TTC7B: variants seen among roughly 807,000 people sequenced by gnomAD.
TTC7B encodes the protein tetratricopeptide repeat protein 7B.
Under a neutral mutation model 106.8 loss-of-function variants are expected in TTC7B, and 28 were observed. The ratio of observed to expected loss-of-function variants is 0.26; its 90% CI spans 0.19 to 0.36. The LOEUF (loss-of-function observed/expected upper bound fraction) is 0.36. TTC7B is among the 10% of genes least tolerant of loss of function. The pLI is 1.00. For synonymous variants in TTC7B, 405 were observed against 430.6 expected, an observed-to-expected ratio of 0.94 and a Z score of 0.74; for missense variants, 862 against 1,076.4, an observed-to-expected ratio of 0.80 and a Z score of 2.79.
chr14:90,793,073 G>A (rs1255261475), intron 1 of TTC7B, among the ~76,000 whole-genome samples: 2 of 152,094 alleles, frequency 1.3e-5, no homozygotes, highest in Non-Finnish European at 2.9e-5. Context: ...GTGTTCTCAC[G>A]AGACCTGATG....
In TTC7B at chr14:90,541,334, G is replaced by T; in HGVS notation, c.*34C>A. The T allele has an allele frequency of 2.6e-6, 4 of 1,565,056 alleles. No individual in the cohort carries two copies. The highest frequency in any genetic ancestry group is 3.5e-6 in the Non-Finnish European group (4 of 1,149,914). ...CCTGGTGCCCGGCAGGGCCTCTGAG[G>T]CCTGAGCGGCAGGTGAGGCTGGCAG... On this transcript the variant is annotated 3_prime_UTR_variant, in exon 20 of 20. Coordinates refer to ENST00000328459, the MANE Select transcript of TTC7B (RefSeq NM_001010854.2).
intron 19 of TTC7B, among the ~76,000 whole-genome samples, chr14:90,552,641 G>A (rs1019002736): frequency 2.6e-5 from 4 of 152,218 alleles, no homozygotes; most frequent in African/African-American, 7.2e-5. Flanking sequence ...GGGCAGTGCA[G>A]GAGGAGGGAA....
In TTC7B at chr14:90,652,806, TG is replaced by T. The variant is rs1306244084; in HGVS notation, c.1517+34del. 4 of 1,611,642 alleles carry T rather than the reference TG, an allele frequency of 2.5e-6. 1 individual carries two copies. In the South Asian group the frequency reaches 4.4e-5, roughly 18 times the overall value. Reference sequence around the variant, plus strand: ...TACTCATCATACTTTGGTGTCATTATGTACAGCCGAGTGAAAAGATGAACTC... The same window carrying T: ...TACTCATCATACTTTGGTGTCATTATTACAGCCGAGTGAAAAGATGAACTC... On this transcript the variant is annotated intron_variant, in intron 13 of 19. Coordinates refer to ENST00000328459, the MANE Select transcript of TTC7B (RefSeq NM_001010854.2).
Position 90,663,439 on chromosome 14 carries a change from T to G in TTC7B, c.1153-5052A>C, listed in dbSNP as rs949876647. 6.9e-6 allele frequency among the ~76,000 whole-genome samples: 1 copy of G among 144,314 alleles called. No homozygotes were observed. Among genetic ancestry groups the G allele is most frequent in the African/African-American group, 2.7e-5 (1 of 37,328 alleles). 94.7% of individuals were successfully genotyped at this position (144,314 alleles called of 152,430 possible). Reference sequence around the variant, plus strand: ...ATGCTTCTTGAACTGTTTCAGAGACTCAGCGATATGGTTTTTTTTTTGCTG... The same window carrying G: ...ATGCTTCTTGAACTGTTTCAGAGACGCAGCGATATGGTTTTTTTTTTGCTG... On this transcript the variant is annotated intron_variant, in intron 9 of 19. Coordinates refer to ENST00000328459, the MANE Select transcript of TTC7B (RefSeq NM_001010854.2). The surrounding 1 kb of genome is among the most constrained non-coding windows in gnomAD (Gnocchi z 4.5).
At chr14:90,771,956 AATATATAATTAT>A (rs1890879789) in intron 3 of TTC7B, among the ~76,000 whole-genome samples, 1 of 141,046 alleles carries the variant, frequency 7.1e-6, no homozygotes, top group East Asian at 2.0e-4. Flanking sequence ...ATTTTATATA[AATATATAATTAT>A]ATATATAATT....
At chr14:90,774,482 C>T (rs1374100226) in intron 3 of TTC7B, among the ~76,000 whole-genome samples, 1 of 152,200 alleles carries the variant, frequency 6.6e-6, no homozygotes, top group African/African-American at 2.4e-5. Flanking sequence ...TAGGCCCTGC[C>T]CTCAGAAAGC....
At chr14:90,587,755 G>T (rs1891774903) in intron 18 of TTC7B, among the ~76,000 whole-genome samples, 1 of 152,186 alleles carries the variant, frequency 6.6e-6, no homozygotes, top group South Asian at 2.1e-4. Flanking sequence ...TGTGGCAGGT[G>T]GAGATGCTGG....
chr14:90,700,127 C>G lies in TTC7B; in HGVS notation c.699-4549G>C, dbSNP rs140280709. On this transcript the variant is annotated intron_variant, in intron 5 of 19. Coordinates refer to ENST00000328459, the MANE Select transcript of TTC7B (RefSeq NM_001010854.2). ...CACTGCACTCTCTTAACTAGAACAG[C>G]CTAGTATGCCCTCGGGGGCTTTGCT... Among the ~76,000 whole-genome samples, 10 of 152,250 alleles carry G rather than the reference C, an allele frequency of 6.6e-5. 1 individual carries two copies. The East Asian group carries it at 1.9e-3, about 29-fold the overall frequency.
intron 19 of TTC7B, among the ~76,000 whole-genome samples, chr14:90,544,979 T>C (rs947071293): frequency 1.3e-5 from 2 of 152,186 alleles, no homozygotes; most frequent in African/African-American, 4.8e-5. Flanking sequence ...CCCGTGCTGT[T>C]TTCTTCCTCC....
rs1351585849 is a variant in TTC7B at position 90,701,778 on chromosome 14, GTA to G, written c.699-6202_699-6201del. On this transcript the variant is annotated intron_variant, in intron 5 of 19. Transcript: ENST00000328459. ...TGTGTGTGTATATATGTGTATATAT[GTA>G]TATGTGTGTGTGTGTGTATATATAT... 2.3e-4 allele frequency among the ~76,000 whole-genome samples: 28 copies of G among 123,258 alleles called. No individual in the cohort carries two copies. The South Asian group carries it at 3.4e-3, about 15-fold the overall frequency. The allele number at this position is 123,258 out of a possible 152,430, so 80.9% of individuals were successfully genotyped here. A position where few individuals can be genotyped will look rare whatever the true frequency, so the allele number is the denominator to read the frequency against.
chr14:90,622,936 C>A (rs968154121), intron 15 of TTC7B, among the ~76,000 whole-genome samples: 6 of 152,184 alleles, frequency 3.9e-5, no homozygotes, highest in African/African-American at 1.4e-4. Context: ...TTGCCCATCA[C>A]CTACGCCCCC....
chr14:90,804,559 G>A (rs955988328), intron 1 of TTC7B, among the ~76,000 whole-genome samples: 28 of 152,342 alleles, frequency 1.8e-4, no homozygotes, highest in Admixed American at 2.0e-4. Flanking sequence ...GCTCAGCACG[G>A]TTGTGAGTGC....
chr14:90,633,061 A>C (rs1884769968), intron 15 of TTC7B, among the ~76,000 whole-genome samples: 1 of 152,234 alleles, frequency 6.6e-6, no homozygotes, highest in African/African-American at 2.4e-5. Context: ...CCACGGACAG[A>C]AGTGTTCTAG....
intron 15 of TTC7B, among the ~76,000 whole-genome samples, chr14:90,633,051 C>T (rs907419176): frequency 1.2e-4 from 19 of 152,160 alleles, no homozygotes; most frequent in African/African-American, 4.1e-4. Context: ...AGAGCTGAGG[C>T]CACGGACAGA....
chr14:90,556,839 G>C (rs1742877500), intron 19 of TTC7B, among the ~76,000 whole-genome samples: 1 of 152,178 alleles, frequency 6.6e-6, no homozygotes, highest in Non-Finnish European at 1.5e-5. Flanking sequence ...CTTCCCCTGG[G>C]GTCCTGGGAC....
intron 3 of TTC7B, among the ~76,000 whole-genome samples, chr14:90,754,596 T>C (rs149287524): frequency 1.3e-5 from 2 of 152,318 alleles, no homozygotes; most frequent in African/African-American, 2.4e-5. Flanking sequence ...TGAGATATTA[T>C]TCACATACCA....
intron 4 of TTC7B, among the ~76,000 whole-genome samples, chr14:90,739,506 C>A (rs1467762380): frequency 3.7e-4 from 56 of 152,320 alleles, no homozygotes; most frequent in Non-Finnish European, 1.3e-4. Flanking sequence ...CACTGCAAAT[C>A]CCTCCTGCCG....
intron 15 of TTC7B, among the ~76,000 whole-genome samples, chr14:90,635,278 A>G (rs927435536): frequency 2.0e-5 from 3 of 152,206 alleles, no homozygotes; most frequent in Non-Finnish European, 4.4e-5. Flanking sequence ...GCAGAGAAAA[A>G]ATGTATCATA....
At chr14:90,755,898 T>A (rs567036039) in intron 3 of TTC7B, among the ~76,000 whole-genome samples, 2 of 152,378 alleles carry the variant, frequency 1.3e-5, no homozygotes, top group South Asian at 4.1e-4. Flanking sequence ...CAATAAGTAC[T>A]CTTCTCATTA....
Sources: allele counts gnomAD v4.1 joint callset (sites outside exome capture counted in the v4.1 genomes callset), GRCh38; gene constraint gnomAD v4.1.1; non-coding constraint Gnocchi (gnomAD v3.1); transcripts MANE v1.5; gene names NCBI Gene and HGNC (gene_info 2026-07-23, HGNC 2026-07-21).